TRPC5: variants seen among roughly 807,000 people sequenced by gnomAD.
The protein encoded by TRPC5 is short transient receptor potential channel 5.
A neutral mutation model predicts 56.5 loss-of-function variants in TRPC5; 9 were observed. That is an observed-to-expected ratio of 0.16 (90% CI 0.10 to 0.28). TRPC5 has a LOEUF of 0.28. TRPC5 is among the 10% of genes least tolerant of loss of function. The probability of loss-of-function intolerance (pLI) is 1.00; values close to 1 mark genes in which losing one functional copy is unlikely to be tolerated. For missense variants in TRPC5, 469 were observed against 748.9 expected (o/e 0.63, Z 4.36); for synonymous variants, 282 against 278.5 (o/e 1.01, Z -0.13).
At chrX:112,059,713 A>C (rs1237703709) in intron 1 of TRPC5, among the ~76,000 whole-genome samples, 1 of 112,169 alleles carries the variant, frequency 8.9e-6, no homozygotes. Context: ...GTTTCTCAGA[A>C]TAGGACCAAG....
At chrX:111,821,069 T>C (rs1365864073) in intron 7 of TRPC5, among the ~76,000 whole-genome samples, 1 of 111,483 alleles carries the variant, frequency 9.0e-6, no homozygotes, top group Non-Finnish European at 1.9e-5. Flanking sequence ...ATCACACTAG[T>C]CCAAACCTTC....
chrX:111,783,599 C>T (rs1159172277), intron 7 of TRPC5, among the ~76,000 whole-genome samples: 2 of 109,626 alleles, frequency 1.8e-5, no homozygotes, highest in African/African-American at 3.3e-5. Context: ...AGATCCTTTG[C>T]CCATTTTTAT....
chrX:112,059,488 G>A lies in TRPC5; in HGVS notation c.-22+22391C>T, dbSNP rs1457393422. Among the ~76,000 whole-genome samples the A allele has an allele frequency of 2.7e-5, 3 of 111,993 alleles. No individual in the cohort carries two copies. In the Admixed American group the frequency reaches 2.8e-4, roughly 11 times the overall value. On this transcript the variant is annotated intron_variant, in intron 1 of 10. Coordinates refer to ENST00000262839, the MANE Select transcript of TRPC5 (RefSeq NM_012471.3). ...ATTCTTGACGTAAAACCCATTCAAA[G>A]AGCCTGGTTAAGGGTATGCACTCAG...
chrX:111,999,785 G>A (rs1182260571), intron 1 of TRPC5, among the ~76,000 whole-genome samples: 1 of 111,196 alleles, frequency 9.0e-6, no homozygotes, highest in Non-Finnish European at 1.9e-5. Context: ...GGCCAACATG[G>A]CAAAACCCCG....
chrX:111,962,839 G>T (rs7886068), intron 1 of TRPC5, among the ~76,000 whole-genome samples: 4 of 111,408 alleles, frequency 3.6e-5, no homozygotes, highest in African/African-American at 1.3e-4. Flanking sequence ...AGAAATTGCC[G>T]GGGGTGGAGC....
chrX:112,046,195 CT>C (rs369946250), intron 1 of TRPC5, among the ~76,000 whole-genome samples: 1,745 of 88,581 alleles, frequency 0.02, 23 homozygotes, highest in African/African-American at 0.049. Context: ...CCACCCCCAC[CT>C]TTTTTTTTTT....
chrX:111,967,417 T>C (rs770285450), intron 1 of TRPC5, among the ~76,000 whole-genome samples: 3,412 of 110,928 alleles, frequency 0.031, 127 homozygotes, highest in African/African-American at 0.11. Context: ...AGGTAATTTA[T>C]AGATTCAATG....
intron 1 of TRPC5, among the ~76,000 whole-genome samples, chrX:112,004,835 G>A (rs928836920): frequency 1.2e-4 from 13 of 110,809 alleles, no homozygotes; most frequent in South Asian, 3.9e-4. Flanking sequence ...GGGTAGGGGC[G>A]GCAAAAAATA....
In TRPC5 at chrX:111,773,413, A is replaced by C. The variant is rs1945855304; in HGVS notation, c.*2900T>G. 2.7e-5 allele frequency among the ~76,000 whole-genome samples: 3 copies of C among 112,024 alleles called. No homozygotes were observed. In the East Asian group the frequency reaches 8.4e-4, roughly 31 times the overall value. On this transcript the variant is annotated 3_prime_UTR_variant, in exon 11 of 11. Coordinates refer to ENST00000262839, the MANE Select transcript of TRPC5 (RefSeq NM_012471.3). The stretch of plus-strand genomic sequence containing the variant: ...GGAAGTGATAAGCCAACTGTAATGT[A>C]GGTGGAACATGATATGGATATTTTA...
At chrX:111,838,897 A>T (rs1326281395) in intron 6 of TRPC5, among the ~76,000 whole-genome samples, 1 of 111,815 alleles carries the variant, frequency 8.9e-6, no homozygotes, top group African/African-American at 3.3e-5. Context: ...TATGGAGAGG[A>T]TTTACTTCTC....
chrX:111,883,864 C>T (rs1367434245), intron 3 of TRPC5, among the ~76,000 whole-genome samples: 1 of 112,727 alleles, frequency 8.9e-6, no homozygotes, highest in Admixed American at 9.4e-5. Flanking sequence ...TAGTCCTAAT[C>T]AGAACTTAGT....
chrX:111,837,154 G>A (rs1922586742), intron 6 of TRPC5, among the ~76,000 whole-genome samples: 1 of 112,132 alleles, frequency 8.9e-6, no homozygotes, highest in Non-Finnish European at 1.9e-5. Context: ...TGGAGTTCAG[G>A]GGCCAGGGCA....
At chrX:111,988,954 T>C (rs762723894) in intron 1 of TRPC5, among the ~76,000 whole-genome samples, 1 of 112,007 alleles carries the variant, frequency 8.9e-6, no homozygotes, top group Non-Finnish European at 1.9e-5. Flanking sequence ...TGTTTCCTAA[T>C]ATGGAAAGTA....
At chrX:111,873,785 C>CAAAT (rs1041182530) in intron 3 of TRPC5, among the ~76,000 whole-genome samples, 4 of 106,715 alleles carry the variant, frequency 3.7e-5, no homozygotes, top group African/African-American at 1.4e-4. Context: ...ATTTCGTCTC[C>CAAAT]AAATAAATAA....
At chrX:111,903,565 A>G (rs1048457658) in intron 3 of TRPC5, 10 of 112,537 alleles carry the variant, frequency 8.9e-5, no homozygotes. Context: ...TAACTAGTTT[A>G]GTCCACTGAC....
Position 111,829,280 on chromosome X carries a change from C to T in TRPC5, c.1896+5641G>A, listed in dbSNP as rs759281229. Among the ~76,000 whole-genome samples the T allele has an allele frequency of 5.6e-3, 457 of 81,568 alleles. 2 individuals are homozygous for T. The highest frequency in any genetic ancestry group is 0.022 in the African/African-American group (423 of 19,189). The allele number at this position is 81,568 out of a possible 115,157, so 70.8% of individuals were successfully genotyped here. A position where few individuals can be genotyped will look rare whatever the true frequency, so the allele number is the denominator to read the frequency against. ...TCACACCACTGCACTCCGGCCCGGG[C>T]GACAGTATGAGACTCTGTCTCAAAA... On this transcript the variant is annotated intron_variant, in intron 7 of 10. Coordinates refer to ENST00000262839, the MANE Select transcript of TRPC5 (RefSeq NM_012471.3).
In TRPC5 at chrX:111,880,605, A is replaced by G. The variant is rs146632854; in HGVS notation, c.901-26499T>C. Reference sequence around the variant, plus strand: ...TTAATAGGACTGTACAGGCCTATGTAAGTTTAACTTATAACTTGGTACAGA... The same window carrying G: ...TTAATAGGACTGTACAGGCCTATGTGAGTTTAACTTATAACTTGGTACAGA... On this transcript the variant is annotated intron_variant, in intron 3 of 10. Coordinates refer to ENST00000262839, the MANE Select transcript of TRPC5 (RefSeq NM_012471.3). 6.9e-3 allele frequency among the ~76,000 whole-genome samples: 776 copies of G among 112,386 alleles called. 19 individuals carry two copies. Among genetic ancestry groups the G allele is most frequent in the Admixed American group, 0.057 (605 of 10,605 alleles).
At chrX:111,884,298 G>C (rs1348956371) in intron 3 of TRPC5, among the ~76,000 whole-genome samples, 1 of 112,515 alleles carries the variant, frequency 8.9e-6, no homozygotes, top group African/African-American at 3.2e-5. Flanking sequence ...CCTAGTCAGA[G>C]CCCAGTTTAG....
At chrX:111,889,687 A>G (rs983809414) in intron 3 of TRPC5, among the ~76,000 whole-genome samples, 1 of 111,860 alleles carries the variant, frequency 8.9e-6, no homozygotes, top group Non-Finnish European at 1.9e-5. Flanking sequence ...AAGGAAGTTC[A>G]TGGCCAAGGG....
Sources: allele counts gnomAD v4.1 joint callset (sites outside exome capture counted in the v4.1 genomes callset), GRCh38; gene constraint gnomAD v4.1.1; transcripts MANE v1.5; gene names NCBI Gene and HGNC (gene_info 2026-07-23, HGNC 2026-07-21).